The following LILRA2 variants were observed in gnomAD, a reference collection of about 807,000 sequenced individuals.
LILRA2 encodes leukocyte immunoglobulin-like receptor subfamily A member 2.
LILRA2 carries 45 observed loss-of-function variants against 47.9 expected under a neutral mutation model. That is an observed-to-expected ratio of 0.94 (90% CI 0.74 to 1.20). The LOEUF (loss-of-function observed/expected upper bound fraction) is 1.20, where lower values mean the gene tolerates loss of function less well. LILRA2 is among the 50% of genes most tolerant of loss of function. The probability of loss-of-function intolerance (pLI) is 0.00; values close to 1 mark genes in which losing one functional copy is unlikely to be tolerated. For missense variants in LILRA2, 651 were observed against 598.2 expected, an observed-to-expected ratio of 1.09 and a Z score of -0.92; for synonymous variants, 279 against 249.2, an observed-to-expected ratio of 1.12 and a Z score of -1.13.
Position 54,574,885 on chromosome 19 carries a change from T to TGGGTGG in LILRA2, c.507_508insGGGTGG (p.His169_Ser170insGlyTrp), listed in dbSNP as rs2062332101. On this transcript the variant is annotated inframe_insertion, in exon 4 of 8. Transcript: ENST00000391738. Reference sequence around the variant, plus strand: ...AACACCCACAACGCCTGAACTCCCATTCCCATGCCCGTGGGTGGTCCTGGG... The same window carrying TGGGTGG: ...AACACCCACAACGCCTGAACTCCCATGGGTGGTCCCATGCCCGTGGGTGGTCCTGGG... 1 of 1,610,066 alleles carries TGGGTGG rather than the reference T, an allele frequency of 6.2e-7. No individual in the cohort carries two copies. Among genetic ancestry groups the TGGGTGG allele is most frequent in the Non-Finnish European group, 8.5e-7 (1 of 1,179,702 alleles).
chr19:54,575,644 G>A (rs1218700734), intron 5 of LILRA2, 92 bp downstream of exon 5: 6 of 1,575,384 alleles, frequency 3.8e-6, no homozygotes, highest in Non-Finnish European at 5.2e-6. Flanking sequence ...TGAGGGTTGG[G>A]GGTCCCAAGG....
chr19:54,583,304 A>C (rs117335389), intron 6 of LILRA2, among the ~76,000 whole-genome samples: 5,324 of 152,254 alleles, frequency 0.035, 117 homozygotes, highest in South Asian at 0.055. Context: ...TGCTTGGTTC[A>C]GACCTGAGTT....
rs2062891938 is a variant in LILRA2, at chr19:54,589,596, G to C, written c.*2250G>C. ...CAAAGAAATAACAAAAGACCTAAAT[G>C]AGGAAAAAGTCATCCCAGTATCATA... On this transcript the variant is annotated 3_prime_UTR_variant, in exon 8 of 8. Transcript: ENST00000391738. 6.6e-6 allele frequency: 1 copy of C among 152,152 alleles called. No individual in the cohort carries two copies. Among genetic ancestry groups the C allele is most frequent in the East Asian group, 1.9e-4 (1 of 5,200 alleles). The allele number at this position is 152,152 out of a possible 1,614,324, so 9.4% of individuals were successfully genotyped here. A position where few individuals can be genotyped will look rare whatever the true frequency, so the allele number is the denominator to read the frequency against.
chr19:54,580,119 C>A (rs913429225), intron 6 of LILRA2, among the ~76,000 whole-genome samples: 1 of 151,790 alleles, frequency 6.6e-6, no homozygotes, highest in African/African-American at 2.4e-5. Context: ...TGCGTGATTG[C>A]CCTAGCCAGA....
At chr19:54,576,151 G>A (rs751206257) in intron 6 of LILRA2, 42 bp downstream of exon 6, 2 of 1,609,360 alleles carry the variant, frequency 1.2e-6, no homozygotes, top group African/African-American at 2.7e-5. Context: ...CAAAGGCTCA[G>A]CTCAGGCCCT....
In LILRA2 at chr19:54,587,329, G is replaced by A. The variant is rs983482798; in HGVS notation, c.1435G>A (p.Asp479Asn). The change falls in exon 8 of 8, where the codon GAT becomes AAT. Residue 479 changes from aspartate to asparagine, a missense_variant. Asp to Asn is a conservative substitution (Grantham distance 23, BLOSUM62 1). Coordinates refer to ENST00000391738, the MANE Select transcript of LILRA2 (RefSeq NM_001130917.3). ...EAQHSQRSLQ[D>N]AAGR ...TCAGCACAGCCAGAGAAGCCTACAA[G>A]ATGCAGCCGGGAGGTGAACAGCAGA... 6.2e-7 allele frequency: 1 copy of A among 1,614,186 alleles called. No individual in the cohort carries two copies. Among genetic ancestry groups the A allele is most frequent in the Non-Finnish European group, 8.5e-7 (1 of 1,180,032 alleles).
intron 6 of LILRA2, 64 bp from the exon 7 acceptor site, chr19:54,586,946 G>A: frequency 8.2e-7 from 1 of 1,221,374 alleles, no homozygotes; most frequent in South Asian, 1.3e-5. Flanking sequence ...CAGGGGAAAA[G>A]AAGAATGCAG....
chr19:54,580,310 C>T (rs1443842994), intron 6 of LILRA2, among the ~76,000 whole-genome samples: 1 of 110,212 alleles, frequency 9.1e-6, no homozygotes, highest in African/African-American at 3.8e-5. Flanking sequence ...ACTAATGTGT[C>T]ATCTAGCATT....
intron 6 of LILRA2, among the ~76,000 whole-genome samples, chr19:54,585,696 G>C (rs1456184964): frequency 6.6e-6 from 1 of 152,214 alleles, no homozygotes; most frequent in Admixed American, 6.5e-5. Context: ...GATACAGTCT[G>C]TCACGGCTTC....
At chr19:54,573,722 C>T (rs147302730), upstream of LILRA2, 3,370 of 1,515,738 alleles carry the variant, frequency 2.2e-3, 3 homozygotes, top group Middle Eastern at 5.1e-3. Flanking sequence ...CAGCCAGGCT[C>T]CTGAGAGGGC....
chr19:54,576,614 G>T (rs529166192), intron 6 of LILRA2, among the ~76,000 whole-genome samples: 3 of 152,400 alleles, frequency 2.0e-5, no homozygotes, highest in African/African-American at 7.2e-5. Context: ...GGGGCTTCAG[G>T]GATGGGGCAG....
Position 54,587,850 on chromosome 19 carries a change from A to G in LILRA2, c.*504A>G, listed in dbSNP as rs1347221678. On this transcript the variant is annotated 3_prime_UTR_variant, in exon 8 of 8. Transcript: ENST00000391738. ...CCTGCTGCCCTGACACCCTCTCTGTACCTTATGAGCCCTTCCCTCTTTCTC... is the reference window on the plus strand; with the variant it reads ...CCTGCTGCCCTGACACCCTCTCTGTGCCTTATGAGCCCTTCCCTCTTTCTC... The G allele has an allele frequency of 1.2e-5, 2 of 161,522 alleles. No homozygotes were observed. The highest frequency in any genetic ancestry group is 4.8e-5 in the African/African-American group (2 of 41,642). The allele number at this position is 161,522 out of a possible 1,614,324, so 10.0% of individuals were successfully genotyped here.
rs2062337811 is a variant in LILRA2, at chr19:54,574,924, G to A, written c.546G>A (p.Val182=). 1.2e-6 allele frequency: 2 copies of A among 1,614,146 alleles called. No individual in the cohort carries two copies. The highest frequency in any genetic ancestry group is 1.7e-5 in the Admixed American group (1 of 60,014). ...GGTGGTCCTGGGCCATCTTCTCCGT[G>A]GGCCCCGTGAGCCCGAGTCGCAGGT... The part of the protein sequence containing the change: ...ARGWSWAIFS[V]GPVSPSRRWS... The change falls in exon 4 of 8, where the codon GTG becomes GTA. Residue 182 remains valine, a synonymous_variant. Transcript: ENST00000391738.
intron 4 of LILRA2, 76 bp from the exon 5 acceptor site, chr19:54,575,180 G>T (rs1230079233): frequency 6.4e-7 from 1 of 1,551,558 alleles, no homozygotes; most frequent in East Asian, 2.3e-5. Flanking sequence ...GACACAGGAA[G>T]ATCAGCGGGG....
At chr19:54,587,154 C>T (rs1175440191) in intron 7 of LILRA2, 47 bp from the exon 8 acceptor site, 1 of 1,612,838 alleles carries the variant, frequency 6.2e-7, no homozygotes, top group African/African-American at 1.3e-5. Flanking sequence ...TACAGGAGTC[C>T]CGGGGTGATT....
chr19:54,589,531 A>T lies in LILRA2; in HGVS notation c.*2185A>T, dbSNP rs533920450. ...AAAAGAGAAATACATTTAACCAAAG[A>T]GATGCAATACGTATACATTGACAAT... On this transcript the variant is annotated 3_prime_UTR_variant, in exon 8 of 8. Coordinates refer to ENST00000391738, the MANE Select transcript of LILRA2 (RefSeq NM_001130917.3). 2.0e-5 allele frequency: 3 copies of T among 152,346 alleles called. No individual in the cohort carries two copies. Among genetic ancestry groups the T allele is most frequent in the Admixed American group, 1.3e-4 (2 of 15,304 alleles). 9.4% of individuals were successfully genotyped at this position (152,346 alleles called of 1,614,324 possible).
Position 54,588,365 on chromosome 19 carries a change from A to T in LILRA2, c.*1019A>T, listed in dbSNP as rs1343120236. 6.6e-6 allele frequency: 1 copy of T among 152,200 alleles called. No homozygotes were observed. Among genetic ancestry groups the T allele is most frequent in the Non-Finnish European group, 1.5e-5 (1 of 68,074 alleles). The allele number at this position is 152,200 out of a possible 1,614,324, so 9.4% of individuals were successfully genotyped here. On this transcript the variant is annotated 3_prime_UTR_variant, in exon 8 of 8. Transcript: ENST00000391738. ...ACGCCTGTAATCCCAGCACTTTGGG[A>T]GGCCAAGGCAGGCAGATCACGAGGT...
Position 54,575,815 on chromosome 19 carries a change from TA to T in LILRA2, c.962del (p.Tyr321LeufsTer14). ...ATCCTTCTTCTCTCTAGGACAGTTC[TA>T]TGACAGACCCTCTCTCTCGGTGCAG... ...PLDILITGQF[Y>X]DRPSLSVQPV... On this transcript the variant is annotated frameshift_variant, in exon 6 of 8. Transcript: ENST00000391738. LOFTEE classifies it high-confidence loss of function. The T allele has an allele frequency of 6.3e-7, 1 of 1,595,900 alleles. No individual in the cohort carries two copies. The highest frequency in any genetic ancestry group is 1.1e-5 in the South Asian group (1 of 89,484).
At chr19:54,583,283 T>C (rs1306182211) in intron 6 of LILRA2, among the ~76,000 whole-genome samples, 3 of 152,194 alleles carry the variant, frequency 2.0e-5, no homozygotes, top group Non-Finnish European at 4.4e-5. Flanking sequence ...TCAGTAGATG[T>C]CTATTAGGTC....
Sources: allele counts gnomAD v4.1 joint callset (sites outside exome capture counted in the v4.1 genomes callset), GRCh38; gene constraint gnomAD v4.1.1; transcripts MANE v1.5; gene names NCBI Gene and HGNC (gene_info 2026-07-23, HGNC 2026-07-21).